The following SMARCA2 variants were observed in gnomAD, a reference collection of about 807,000 sequenced individuals.
SMARCA2 encodes the protein SWI/SNF-related matrix-associated actin-dependent regulator of chromatin subfamily A member 2.
Under a neutral mutation model 199.8 loss-of-function variants are expected in SMARCA2, and 61 were observed. That is an observed-to-expected ratio of 0.31 (90% CI 0.25 to 0.38). SMARCA2 has a LOEUF of 0.38. SMARCA2 is among the 10% of genes least tolerant of loss of function. SMARCA2 has a pLI of 1.00. For missense variants in SMARCA2, 1,344 were observed against 2,012.2 expected (o/e 0.67, Z 6.35); for synonymous variants, 935 against 732.0 (o/e 1.28, Z -4.48).
intron 7 of SMARCA2, among the ~76,000 whole-genome samples, 198 bp downstream of exon 7, chr9:2,057,043 A>G (rs949144059): frequency 6.6e-6 from 1 of 152,160 alleles, no homozygotes; most frequent in Non-Finnish European, 1.5e-5. Flanking sequence ...CGTATAAATG[A>G]CTGCCCAAGG....
chr9:2,073,178 A>AT, intron 10 of SMARCA2, 34 bp from the exon 11 acceptor site: 1 of 1,613,214 alleles, frequency 6.2e-7, no homozygotes, highest in South Asian at 1.1e-5. Context: ...AGGTCTTAAC[A>AT]TGAAACCGTG....
At position 2,151,420 on chromosome 9, in the gene SMARCA2, A is replaced by G. The variant is rs370052143; in HGVS notation, c.3982-10266A>G. On this transcript the variant is annotated intron_variant, in intron 27 of 33. Transcript: ENST00000349721. ...ACGAAGACAGTACAAGACCCAGGCC[A>G]GCATGAAGCTACAGTACGAACCAGA... Among the ~76,000 whole-genome samples, 5 of 151,740 alleles carry G rather than the reference A, an allele frequency of 3.3e-5. No homozygotes were observed. The East Asian group carries it at 9.6e-4, about 29-fold the overall frequency.
In SMARCA2 at chr9:2,170,487, T is replaced by C. The variant is rs1392873368; in HGVS notation, c.4253+15T>C. The C allele has an allele frequency of 1.1e-5, 18 of 1,613,974 alleles. No homozygotes were observed. The highest frequency in any genetic ancestry group is 1.4e-5 in the Non-Finnish European group (17 of 1,179,978). On this transcript the variant is annotated intron_variant, in intron 29 of 33. Transcript: ENST00000349721. The surrounding 1 kb of genome is among the most constrained non-coding windows in gnomAD (Gnocchi z 4.7). ...GAAGGAAACAGGTCAGGATCTGTCT[T>C]GTATTCCCCTATCTCTAAATACAGG...
chr9:2,184,266 C>T (rs986112612), intron 31 of SMARCA2, among the ~76,000 whole-genome samples: 1 of 152,046 alleles, frequency 6.6e-6, no homozygotes, highest in Non-Finnish European at 1.5e-5. Flanking sequence ...TCGAGACTCA[C>T]ATGCAGTTGT....
intron 29 of SMARCA2, chr9:2,181,257 C>A: frequency 5.0e-6 from 1 of 201,414 alleles, no homozygotes; most frequent in Non-Finnish European, 9.9e-6. Flanking sequence ...AAATTTTTAG[C>A]TAACAAGGAT....
intron 10 of SMARCA2, among the ~76,000 whole-genome samples, chr9:2,071,357 GAT>G (rs990972184): frequency 2.6e-5 from 4 of 152,180 alleles, no homozygotes; most frequent in Non-Finnish European, 5.9e-5. Context: ...ATAAATATCT[GAT>G]GTGTGAGAAA....
At chr9:2,165,944 C>T (rs1035101023) in intron 28 of SMARCA2, among the ~76,000 whole-genome samples, 4 of 152,200 alleles carry the variant, frequency 2.6e-5, no homozygotes, top group African/African-American at 9.6e-5. Context: ...TGGTCATCCA[C>T]CTCCATGTGG....
intron 27 of SMARCA2, among the ~76,000 whole-genome samples, chr9:2,136,878 C>T (rs896824607): frequency 6.6e-6 from 1 of 152,154 alleles, no homozygotes; most frequent in Non-Finnish European, 1.5e-5. Flanking sequence ...TTACTTAATG[C>T]TAGAATTTTA....
At chr9:2,079,916 T>G (rs1297630614) in intron 14 of SMARCA2, 1 of 152,256 alleles carries the variant, frequency 6.6e-6, no homozygotes, top group Admixed American at 6.5e-5. Context: ...CTCCTTCGAC[T>G]TCCATATGTG....
intron 27 of SMARCA2, among the ~76,000 whole-genome samples, chr9:2,133,949 C>A (rs1824077780): frequency 6.6e-6 from 1 of 152,118 alleles, no homozygotes; most frequent in Non-Finnish European, 1.5e-5. Flanking sequence ...CCTTGGGGAC[C>A]TTGTGTCACC....
chr9:2,078,006 G>A (rs1821401489), intron 14 of SMARCA2, among the ~76,000 whole-genome samples: 1 of 152,136 alleles, frequency 6.6e-6, no homozygotes, highest in Non-Finnish European at 1.5e-5. Flanking sequence ...CTTTTGGGAT[G>A]TATTTTAAGT....
intron 18 of SMARCA2, among the ~76,000 whole-genome samples, chr9:2,087,857 C>G (rs969932500): frequency 6.6e-6 from 1 of 152,142 alleles, no homozygotes; most frequent in Non-Finnish European, 1.5e-5. Context: ...CTGGCTTGCC[C>G]ATTTGTAGAA....
intron 19 of SMARCA2, 30 bp downstream of exon 19, chr9:2,088,643 T>C: frequency 6.7e-7 from 1 of 1,488,126 alleles, no homozygotes; most frequent in Non-Finnish European, 9.2e-7. Flanking sequence ...GTTGTGGGTT[T>C]TTTTTTTCCT....
Position 2,140,066 on chromosome 9 carries a change from G to A in SMARCA2, c.3981+16129G>A, listed in dbSNP as rs1409806607. On this transcript the variant is annotated intron_variant, in intron 27 of 33. Coordinates refer to ENST00000349721, the MANE Select transcript of SMARCA2 (RefSeq NM_003070.5). ...TCTCTTACTGTCGTAATTTGCAAAG[G>A]CGGTTTTGCTACTTTCCTTGCAAAT... 2.0e-5 allele frequency among the ~76,000 whole-genome samples: 3 copies of A among 152,156 alleles called. No individual in the cohort carries two copies. The East Asian group carries it at 5.8e-4, about 29-fold the overall frequency.
chr9:2,093,723 T>C (rs1254653557), intron 19 of SMARCA2, among the ~76,000 whole-genome samples: 1 of 152,192 alleles, frequency 6.6e-6, no homozygotes. Flanking sequence ...CTTTTCCCAT[T>C]CCTAGTATTG....
intron 25 of SMARCA2, among the ~76,000 whole-genome samples, chr9:2,118,570 G>A (rs182881234): frequency 3.3e-5 from 5 of 152,164 alleles, no homozygotes; most frequent in South Asian, 2.1e-4. Flanking sequence ...GAAATTCCCC[G>A]TTTGATTTCT....
intron 27 of SMARCA2, among the ~76,000 whole-genome samples, chr9:2,131,613 T>C (rs769994788): frequency 2.6e-5 from 4 of 152,102 alleles, no homozygotes; most frequent in Non-Finnish European, 5.9e-5. Flanking sequence ...CTAAATGGGG[T>C]TCCCATCATC....
intron 14 of SMARCA2, among the ~76,000 whole-genome samples, chr9:2,079,550 G>A (rs1221059130): frequency 2.0e-5 from 3 of 152,208 alleles, no homozygotes; most frequent in Non-Finnish European, 4.4e-5. Flanking sequence ...AAAATGACAA[G>A]TAATGCCTTA....
At chr9:2,084,813 A>G (rs1303486031) in intron 17 of SMARCA2, among the ~76,000 whole-genome samples, 1 of 152,106 alleles carries the variant, frequency 6.6e-6, no homozygotes, top group African/African-American at 2.4e-5. Flanking sequence ...CATGTCTCCT[A>G]ATTTTTATGT....
Sources: gnomAD v4.1 joint callset for allele counts (sites outside exome capture counted in the v4.1 genomes callset) on GRCh38, gnomAD v4.1.1 for gene constraint, Gnocchi (gnomAD v3.1) non-coding constraint, MANE v1.5 for transcripts, NCBI Gene and HGNC (gene_info 2026-07-23, HGNC 2026-07-21) for gene names.